The following DST variants were observed in gnomAD, a reference collection of about 807,000 sequenced individuals.
DST encodes dystonin.
A neutral mutation model predicts 875.2 loss-of-function variants in DST; 253 were observed. The ratio of observed to expected loss-of-function variants is 0.29; its 90% CI spans 0.26 to 0.32. DST has a LOEUF of 0.32. DST is among the 10% of genes least tolerant of loss of function. The pLI is 1.00. For missense variants in DST, 8,287 were observed against 9,111.6 expected, an observed-to-expected ratio of 0.91 and a Z score of 3.68; for synonymous variants, 3,124 against 3,197.1, an observed-to-expected ratio of 0.98 and a Z score of 0.77.
rs781133935 is a variant in DST, at chr6:56,603,692, A to G, written c.10813T>C (p.Cys3605Arg). 2 of 1,601,360 alleles carry G rather than the reference A, an allele frequency of 1.2e-6. No individual in the cohort carries two copies. The highest frequency in any genetic ancestry group is 1.7e-6 in the Non-Finnish European group (2 of 1,176,054). Reference protein sequence around the residue: ...TEQFSSELQQCLQHTEKMHEY... With the variant: ...TEQFSSELQQRLQHTEKMHEY... ...TGCATTTTTTCAGTGTGCTGTAAAC[A>G]CTGCTGTAATTCACTGGAAAACTAA... Residue 3605 changes from cysteine to arginine, a missense_variant, in exon 41 of 104, where the codon TGT becomes CGT. Coordinates refer to ENST00000680361, the MANE Select transcript of DST (RefSeq NM_001374736.1).
chr6:56,893,562 CTTTTTTTT>C (rs1282483681), intron 3 of DST, among the ~76,000 whole-genome samples: 3 of 35,910 alleles, frequency 8.4e-5, no homozygotes, highest in Admixed American at 2.7e-4. Context: ...ACTTTTAGTT[CTTTTTTTT>C]TTTTTTTTTT....
intron 2 of DST, among the ~76,000 whole-genome samples, chr6:56,940,442 CATA>C (rs1815890710): frequency 6.6e-6 from 1 of 152,046 alleles, no homozygotes. Flanking sequence ...AAAGTAATTT[CATA>C]ATAATAAGCC....
intron 4 of DST, among the ~76,000 whole-genome samples, chr6:56,802,610 T>G (rs757607507): frequency 1.6e-4 from 24 of 152,182 alleles, no homozygotes; most frequent in Non-Finnish European, 2.6e-4. Context: ...GGACAAAGCA[T>G]GAGCTCATGG....
intron 4 of DST, among the ~76,000 whole-genome samples, chr6:56,829,332 G>C (rs996945165): frequency 4.6e-5 from 7 of 152,200 alleles, no homozygotes; most frequent in Non-Finnish European, 1.0e-4. Flanking sequence ...TACATGTAAT[G>C]AGAGTAAAAA....
chr6:56,683,848 G>A (rs1262837177), intron 9 of DST, among the ~76,000 whole-genome samples: 3 of 152,208 alleles, frequency 2.0e-5, no homozygotes, highest in East Asian at 1.9e-4. Flanking sequence ...CACAAGCCTC[G>A]AGACCACTCA....
At chr6:56,644,300 T>C (rs2098929598) in intron 15 of DST, among the ~76,000 whole-genome samples, 1 of 152,242 alleles carries the variant, frequency 6.6e-6, no homozygotes, top group Non-Finnish European at 1.5e-5. Context: ...AATCCAGTTA[T>C]GTACACATAT....
chr6:56,482,629 T>C, intron 89 of DST, 54 bp downstream of exon 89: 1 of 1,552,948 alleles, frequency 6.4e-7, no homozygotes, highest in South Asian at 1.2e-5. Context: ...TAGTTCTTGT[T>C]GAGGTTTCAA....
At position 56,616,696 on chromosome 6, in the gene DST, A is replaced by G. The variant is rs759918298; in HGVS notation, c.4930-2212T>C. On this transcript the variant is annotated intron_variant, in intron 36 of 103. Transcript: ENST00000680361. The stretch of plus-strand genomic sequence containing the variant: ...CTGGAGGAACACGAATGCCTCTCAC[A>G]GGGTCAATGACACCCCCACTGGCAA... 6 of 1,614,088 alleles carry G rather than the reference A, an allele frequency of 3.7e-6. No individual in the cohort carries two copies. In the South Asian group the frequency reaches 4.4e-5, roughly 12 times the overall value.
At position 56,606,915 on chromosome 6, in the gene DST, A is replaced by G; in HGVS notation, c.7713T>C (p.Ile2571=). The G allele has an allele frequency of 6.2e-7, 1 of 1,613,498 alleles. No individual in the cohort carries two copies. The highest frequency in any genetic ancestry group is 1.1e-5 in the South Asian group (1 of 91,066). ...ATGGTGTAGCACAAGTAAGAGACACAATGGCATTATCAGTATCACCCCCTG... is the reference window on the plus strand; with the variant it reads ...ATGGTGTAGCACAAGTAAGAGACACGATGGCATTATCAGTATCACCCCCTG... ...VTPGGDTDNA[I]VSLTCATPLL... The change falls in exon 40 of 104, where the codon ATT becomes ATC. Residue 2571 remains isoleucine (I), a synonymous_variant. Coordinates refer to ENST00000680361, the MANE Select transcript of DST (RefSeq NM_001374736.1).
At chr6:56,558,611 T>C (rs911689307) in intron 58 of DST, among the ~76,000 whole-genome samples, 2 of 152,120 alleles carry the variant, frequency 1.3e-5, no homozygotes, top group African/African-American at 4.8e-5. Context: ...CACTTGTTTC[T>C]AATACAATTT....
intron 4 of DST, among the ~76,000 whole-genome samples, chr6:56,781,093 T>C (rs2099692716): frequency 1.3e-5 from 2 of 151,000 alleles, no homozygotes; most frequent in African/African-American, 5.0e-5. Flanking sequence ...TATCTCTGTT[T>C]TGGTACCAGT....
intron 2 of DST, among the ~76,000 whole-genome samples, chr6:56,944,617 T>C (rs996269084): frequency 6.6e-6 from 1 of 152,166 alleles, no homozygotes; most frequent in Non-Finnish European, 1.5e-5. Context: ...TGTGGACAAA[T>C]GGTAGACTCG....
intron 9 of DST, among the ~76,000 whole-genome samples, chr6:56,673,306 C>T (rs1267805765): frequency 6.6e-6 from 1 of 152,098 alleles, no homozygotes; most frequent in South Asian, 2.1e-4. Context: ...AAAAGTTGAG[C>T]CTCTTGGTCT....
intron 4 of DST, among the ~76,000 whole-genome samples, chr6:56,830,022 T>C (rs1222485202): frequency 6.6e-6 from 1 of 152,162 alleles, no homozygotes; most frequent in African/African-American, 2.4e-5. Context: ...AGAATCTACT[T>C]AATCATGAAC....
intron 4 of DST, among the ~76,000 whole-genome samples, chr6:56,780,984 TC>T (rs1434202959): frequency 6.6e-5 from 10 of 152,230 alleles, no homozygotes; most frequent in Admixed American, 3.3e-4. Flanking sequence ...AAATAGGGAA[TC>T]CTTTCCCCAT....
At chr6:56,797,010 G>A (rs1280341934) in intron 4 of DST, among the ~76,000 whole-genome samples, 1 of 152,108 alleles carries the variant, frequency 6.6e-6, no homozygotes, top group Non-Finnish European at 1.5e-5. Flanking sequence ...TACATACTGT[G>A]GCAACCCTGT....
chr6:56,524,125 C>T (rs1246826717), intron 69 of DST, among the ~76,000 whole-genome samples: 1 of 151,986 alleles, frequency 6.6e-6, no homozygotes, highest in Non-Finnish European at 1.5e-5. Context: ...GGTCCTAATT[C>T]CAAACATCTA....
intron 9 of DST, among the ~76,000 whole-genome samples, chr6:56,682,764 A>T (rs1212044611): frequency 6.6e-6 from 1 of 152,164 alleles, no homozygotes; most frequent in Non-Finnish European, 1.5e-5. Context: ...GTTTTGTTTC[A>T]CTGTGCAAGT....
chr6:56,927,762 C>T (rs1045850394), intron 2 of DST, among the ~76,000 whole-genome samples: 6 of 152,176 alleles, frequency 3.9e-5, no homozygotes, highest in South Asian at 2.1e-4. Flanking sequence ...GGATTGGGTC[C>T]TTTCAGGAAA....
Sources: gnomAD v4.1 joint callset for allele counts (sites outside exome capture counted in the v4.1 genomes callset) on GRCh38, gnomAD v4.1.1 for gene constraint, MANE v1.5 for transcripts, NCBI Gene and HGNC (gene_info 2026-07-23, HGNC 2026-07-21) for gene names.